Variants in DACH2 observed in about 807,000 individuals in gnomAD.
DACH2 encodes the protein dachshund family transcription factor 2, also known as dachshund homolog 2.
In DACH2, 17 loss-of-function variants were observed where a neutral mutation model predicts 35.8. The ratio of observed to expected loss-of-function variants is 0.48; its 90% CI spans 0.33 to 0.71. DACH2 has a LOEUF of 0.71. Ranked by LOEUF, DACH2 falls within the 30% of genes least tolerant of loss-of-function variation. The probability of loss-of-function intolerance (pLI) is 0.02; values close to 1 mark genes in which losing one functional copy is unlikely to be tolerated. For missense variants in DACH2, 469 were observed against 472.7 expected, an observed-to-expected ratio of 0.99 and a Z score of 0.07; for synonymous variants, 195 against 177.3, an observed-to-expected ratio of 1.10 and a Z score of -0.79.
chrX:86,585,941 G>A (rs186203626), intron 3 of DACH2, among the ~76,000 whole-genome samples: 1 of 111,589 alleles, frequency 9.0e-6, no homozygotes, highest in African/African-American at 3.2e-5. Flanking sequence ...TAGTGGAATT[G>A]CTAGGTCGAA....
At chrX:86,419,665 T>C (rs1657875417) in intron 2 of DACH2, among the ~76,000 whole-genome samples, 1 of 112,020 alleles carries the variant, frequency 8.9e-6, no homozygotes, top group Non-Finnish European at 1.9e-5. Flanking sequence ...TACTTTCTCA[T>C]GGTTAGCTTT....
chrX:86,254,807 T>TATATATATATAG (rs1380613474), intron 1 of DACH2, among the ~76,000 whole-genome samples: 60 of 49,614 alleles, frequency 1.2e-3, no homozygotes, highest in African/African-American at 2.8e-3. Flanking sequence ...TATATATATA[T>TATATATATATAG]AGAGAGAGAG....
chrX:86,696,122 C>T (rs1569468991), intron 5 of DACH2, among the ~76,000 whole-genome samples: 1 of 111,544 alleles, frequency 9.0e-6, no homozygotes, highest in Non-Finnish European at 1.9e-5. Context: ...GTGTATATTA[C>T]TTTTGTATAT....
chrX:86,466,691 C>G (rs891826780), intron 2 of DACH2, among the ~76,000 whole-genome samples: 1 of 111,913 alleles, frequency 8.9e-6, no homozygotes, highest in Non-Finnish European at 1.9e-5. Context: ...AAACTTTTGC[C>G]TGAGTATCTA....
chrX:86,695,035 T>A lies in DACH2; in HGVS notation c.787T>A (p.Ser263Thr). ...LNSNTGGSES[S>T]WDKDKMQSPF... is the part of the protein sequence containing the mutation. ...ATATTTTTCAGGTGGAAGTGAATCCTCCTGGGATAAAGATAAGATGCAGTC... is the reference window on the plus strand; with the variant it reads ...ATATTTTTCAGGTGGAAGTGAATCCACCTGGGATAAAGATAAGATGCAGTC... Residue 263 changes from serine (S) to threonine (T), a missense_variant, in exon 5 of 12, where the codon TCC (serine) becomes ACC (threonine). By Grantham distance (58) the Ser-to-Thr change is moderately conservative. Coordinates refer to ENST00000373125, the MANE Select transcript of DACH2 (RefSeq NM_053281.3). 1 of 1,068,550 alleles carries A rather than the reference T, an allele frequency of 9.4e-7. No individual in the cohort carries two copies. The highest frequency in any genetic ancestry group is 1.2e-6 in the Non-Finnish European group (1 of 817,612). The allele number at this position is 1,068,550 out of a possible 1,213,427, so 88.1% of individuals were successfully genotyped here. A position where few individuals can be genotyped will look rare whatever the true frequency, so the allele number is the denominator to read the frequency against.
chrX:86,433,574 G>C (rs1423716842), intron 2 of DACH2, among the ~76,000 whole-genome samples: 1 of 111,822 alleles, frequency 8.9e-6, no homozygotes, highest in African/African-American at 3.2e-5. Flanking sequence ...TTAGAGCATA[G>C]TTAGGAAAAG....
At chrX:86,673,340 A>AAAAG (rs1427393094) in intron 4 of DACH2, among the ~76,000 whole-genome samples, 1 of 106,974 alleles carries the variant, frequency 9.3e-6, no homozygotes, top group Non-Finnish European at 1.9e-5. Flanking sequence ...CGTCTCAAAA[A>AAAAG]AAAAAAAAAA....
intron 1 of DACH2, among the ~76,000 whole-genome samples, chrX:86,294,866 G>C (rs2034408440): frequency 9.2e-6 from 1 of 109,146 alleles, no homozygotes; most frequent in South Asian, 4.1e-4. Context: ...GGTTACTGCT[G>C]TCTTTTTGTT....
intron 7 of DACH2, among the ~76,000 whole-genome samples, chrX:86,804,540 C>T: frequency 8.9e-6 from 1 of 112,005 alleles, no homozygotes; most frequent in Non-Finnish European, 1.9e-5. Context: ...ACAATCATGC[C>T]TTCCCAACAG....
At chrX:86,212,783 G>C (rs1489151510) in intron 1 of DACH2, among the ~76,000 whole-genome samples, 1 of 111,258 alleles carries the variant, frequency 9.0e-6, no homozygotes, top group East Asian at 2.8e-4. Flanking sequence ...AACATCAAGT[G>C]TGTATTTTAA....
intron 2 of DACH2, among the ~76,000 whole-genome samples, chrX:86,456,818 T>G (rs757782610): frequency 9.0e-6 from 1 of 111,190 alleles, no homozygotes; most frequent in Non-Finnish European, 1.9e-5. Context: ...TCTCCTTCAC[T>G]TTTAAATTTA....
chrX:86,416,758 G>A (rs961509990), intron 2 of DACH2, among the ~76,000 whole-genome samples: 16 of 110,451 alleles, frequency 1.4e-4, no homozygotes, highest in Non-Finnish European at 2.5e-4. Flanking sequence ...GGCAAGAGAG[G>A]GAGCAAGAGA....
At chrX:86,576,802 T>A (rs780151646) in intron 3 of DACH2, among the ~76,000 whole-genome samples, 6 of 110,742 alleles carry the variant, frequency 5.4e-5, no homozygotes, top group Non-Finnish European at 1.1e-4. Context: ...TTTCTGTTAG[T>A]TCCCCTGAGA....
At position 86,182,608 on chromosome X, in the gene DACH2, C is replaced by T. The variant is rs754272539; in HGVS notation, c.488+33500C>T. Among the ~76,000 whole-genome samples the T allele has an allele frequency of 1.3e-4, 15 of 111,459 alleles. No homozygotes were observed. In the East Asian group the frequency reaches 1.4e-3, roughly 11 times the overall value. The stretch of plus-strand genomic sequence containing the variant: ...TGTAGTATAGTTTGAAGTCAGGTAG[C>T]GTGATGCTTCCAGCTTTGTTCTTTT... On this transcript the variant is annotated intron_variant, in intron 1 of 11. Coordinates refer to ENST00000373125, the MANE Select transcript of DACH2 (RefSeq NM_053281.3).
intron 7 of DACH2, among the ~76,000 whole-genome samples, chrX:86,740,729 A>G (rs933652443): frequency 8.2e-5 from 9 of 110,044 alleles, no homozygotes; most frequent in African/African-American, 3.0e-4. Context: ...CTTAACCACC[A>G]TGAGTTTCTT....
At chrX:86,320,686 A>T (rs1040111471) in intron 1 of DACH2, among the ~76,000 whole-genome samples, 2 of 112,573 alleles carry the variant, frequency 1.8e-5, no homozygotes, top group East Asian at 5.6e-4. Flanking sequence ...CAGGCTGACC[A>T]TACTTTAGCC....
chrX:86,636,540 C>G (rs1191095627), intron 3 of DACH2, among the ~76,000 whole-genome samples: 4 of 110,914 alleles, frequency 3.6e-5, no homozygotes, highest in Non-Finnish European at 7.5e-5. Context: ...GAATAGAGAG[C>G]CCAGAAATAA....
chrX:86,630,729 C>T (rs1278699972), intron 3 of DACH2, among the ~76,000 whole-genome samples: 3 of 109,096 alleles, frequency 2.7e-5, no homozygotes, highest in Admixed American at 2.0e-4. Flanking sequence ...CTTGCTCTGT[C>T]GCCCAGGCTG....
chrX:86,785,466 A>G (rs1042639106), intron 7 of DACH2, among the ~76,000 whole-genome samples: 12 of 112,055 alleles, frequency 1.1e-4, no homozygotes, highest in African/African-American at 3.9e-4. Context: ...AAGGAGGAGT[A>G]AATGATGTAG....
Sources: allele counts gnomAD v4.1 joint callset (sites outside exome capture counted in the v4.1 genomes callset), GRCh38; gene constraint gnomAD v4.1.1; transcripts MANE v1.5; gene names NCBI Gene and HGNC (gene_info 2026-07-23, HGNC 2026-07-21).